Variants in PLCB4 observed in about 807,000 individuals in gnomAD.
PLCB4 encodes the protein phospholipase C beta 4.
PLCB4 carries 77 observed loss-of-function variants against 178.8 expected under a neutral mutation model. The ratio of observed to expected loss-of-function variants is 0.43; its 90% CI spans 0.36 to 0.52. PLCB4 has a LOEUF of 0.52. Ranked by LOEUF, PLCB4 falls within the 20% of genes least tolerant of loss-of-function variation. PLCB4 has a pLI of 0.00. For missense variants in PLCB4, 1,024 were observed against 1,453.4 expected (o/e 0.70, Z 4.80); for synonymous variants, 496 against 490.8 (o/e 1.01, Z -0.14).
At chr20:9,105,242 G>A (rs1307334313) in intron 2 of PLCB4, among the ~76,000 whole-genome samples, 3 of 152,026 alleles carry the variant, frequency 2.0e-5, no homozygotes, top group African/African-American at 7.2e-5. Flanking sequence ...CAAAATAACA[G>A]TACAACCATA....
At chr20:9,215,997 T>G (rs1408111652) in intron 2 of PLCB4, among the ~76,000 whole-genome samples, 1 of 152,170 alleles carries the variant, frequency 6.6e-6, no homozygotes, top group African/African-American at 2.4e-5. Context: ...GGTGTAGTCT[T>G]GTATTATATG....
chr20:9,166,480 TAGCGGA>T (rs2092973139), intron 2 of PLCB4: 1 of 152,200 alleles, frequency 6.6e-6, no homozygotes, highest in African/African-American at 2.4e-5. Context: ...TCTCACTTTG[TAGCGGA>T]GGGGTGGGAC....
intron 4 of PLCB4, among the ~76,000 whole-genome samples, chr20:9,315,460 A>G (rs148713794): frequency 1.3e-5 from 2 of 152,334 alleles, no homozygotes; most frequent in East Asian, 3.9e-4. Flanking sequence ...ACCAATAAGC[A>G]TAGAAATGAA....
At chr20:9,376,589 A>G (rs1217084979) in intron 12 of PLCB4, among the ~76,000 whole-genome samples, 1 of 152,136 alleles carries the variant, frequency 6.6e-6, no homozygotes, top group Non-Finnish European at 1.5e-5. Context: ...ACGTGGTGAG[A>G]CACTACTACT....
At chr20:9,457,371 A>C (rs1568879633) in intron 33 of PLCB4, 43 bp from the exon 34 acceptor site, 1 of 913,124 alleles carries the variant, frequency 1.1e-6, no homozygotes, top group South Asian at 1.3e-5. Context: ...GGAATGGGAA[A>C]ATATCTAATT....
intron 14 of PLCB4, 71 bp downstream of exon 14, chr20:9,384,482 A>G (rs2037408150): frequency 5.5e-6 from 6 of 1,083,072 alleles, no homozygotes; most frequent in South Asian, 5.1e-5. Flanking sequence ...TTTCTCTGAA[A>G]AACAGGAAAT....
At chr20:9,456,573 C>G (rs1215430207) in intron 33 of PLCB4, among the ~76,000 whole-genome samples, 1 of 152,176 alleles carries the variant, frequency 6.6e-6, no homozygotes, top group African/African-American at 2.4e-5. Flanking sequence ...AATAAAACCT[C>G]TCATTGCATT....
chr20:9,329,286 G>A (rs1453067026), intron 4 of PLCB4, among the ~76,000 whole-genome samples: 1 of 152,074 alleles, frequency 6.6e-6, no homozygotes, highest in African/African-American at 2.4e-5. Context: ...TGATTTGGGG[G>A]CTACTTTTAT....
intron 13 of PLCB4, among the ~76,000 whole-genome samples, chr20:9,381,686 G>A (rs923783400): frequency 2.6e-5 from 4 of 152,198 alleles, no homozygotes; most frequent in South Asian, 4.1e-4. Flanking sequence ...ATTTTCAAGT[G>A]TGGGTGAGAA....
chr20:9,287,341 C>T, intron 3 of PLCB4, among the ~76,000 whole-genome samples: 1 of 151,970 alleles, frequency 6.6e-6, no homozygotes. Flanking sequence ...ATTACTGGCA[C>T]TTGAACTGAA....
At chr20:9,255,836 A>G (rs1342100785) in intron 3 of PLCB4, among the ~76,000 whole-genome samples, 1 of 152,086 alleles carries the variant, frequency 6.6e-6, no homozygotes, top group Non-Finnish European at 1.5e-5. Flanking sequence ...TTATTTGCAA[A>G]AATAGGTGGC....
At chr20:9,095,506 T>C (rs1284259017) in intron 1 of PLCB4, among the ~76,000 whole-genome samples, 1 of 152,240 alleles carries the variant, frequency 6.6e-6, no homozygotes, top group Admixed American at 6.5e-5. Context: ...GGAAACAGTT[T>C]ATAGTAGTGG....
chr20:9,332,085 C>T (rs1457685406), intron 4 of PLCB4, among the ~76,000 whole-genome samples: 1 of 152,036 alleles, frequency 6.6e-6, no homozygotes, highest in Non-Finnish European at 1.5e-5. Context: ...TCTGCCCACC[C>T]CCCAAGGAAG....
intron 14 of PLCB4, among the ~76,000 whole-genome samples, chr20:9,385,220 A>C (rs941430929): frequency 5.3e-5 from 8 of 152,198 alleles, no homozygotes; most frequent in African/African-American, 1.7e-4. Flanking sequence ...CTACACAGAC[A>C]CAGTAACAAT....
At chr20:9,192,318 G>T (rs2093414984) in intron 2 of PLCB4, among the ~76,000 whole-genome samples, 1 of 152,102 alleles carries the variant, frequency 6.6e-6, no homozygotes, top group African/African-American at 2.4e-5. Context: ...TAATATAAAA[G>T]ATCACACTGT....
At chr20:9,360,674 A>G (rs2035244952) in intron 7 of PLCB4, among the ~76,000 whole-genome samples, 1 of 152,204 alleles carries the variant, frequency 6.6e-6, no homozygotes. Flanking sequence ...GCAGGGAGTT[A>G]TAGTCCATAT....
chr20:9,470,691 T>C (rs1455234959), intron 36 of PLCB4, among the ~76,000 whole-genome samples: 2 of 152,222 alleles, frequency 1.3e-5, no homozygotes, highest in Non-Finnish European at 2.9e-5. Flanking sequence ...TTGTTGTAAC[T>C]TTCTATTTTT....
chr20:9,466,872 G>A (rs532639269), intron 35 of PLCB4, among the ~76,000 whole-genome samples: 10 of 152,268 alleles, frequency 6.6e-5, no homozygotes, highest in Admixed American at 1.3e-4. Flanking sequence ...ACAGTGTGGC[G>A]ATTCCTCAAG....
chr20:9,143,629 G>A (rs1321992244), intron 2 of PLCB4, among the ~76,000 whole-genome samples: 2 of 152,082 alleles, frequency 1.3e-5, no homozygotes, highest in Non-Finnish European at 2.9e-5. Context: ...AATTCACATT[G>A]CAGTTTGGCA....
Sources: gnomAD v4.1 joint callset for allele counts (sites outside exome capture counted in the v4.1 genomes callset) on GRCh38, gnomAD v4.1.1 for gene constraint, MANE v1.5 for transcripts, NCBI Gene and HGNC (gene_info 2026-07-23, HGNC 2026-07-21) for gene names.